OGA: variants seen among roughly 807,000 people sequenced by gnomAD.
OGA encodes protein O-GlcNAcase.
A neutral mutation model predicts 102.0 loss-of-function variants in OGA; 21 were observed. That is an observed-to-expected ratio of 0.21 (90% CI 0.15 to 0.30). The LOEUF (loss-of-function observed/expected upper bound fraction) is 0.30. Among genes scored for constraint, OGA ranks in the 10% least tolerant of loss-of-function variants. OGA has a pLI of 1.00. For synonymous variants in OGA, 408 were observed against 378.2 expected (o/e 1.08, Z -0.91); for missense variants, 765 against 1,107.8 (o/e 0.69, Z 4.39).
Position 101,818,069 on chromosome 10 carries a change from CTG to C in OGA, c.-49_-48del, listed in dbSNP as rs2065666415. ...CACCTCTGCGGGTCCTCCTCGACCT[CTG>C]TCCGTTGGGGCACCGGCCCGGAGCC... On this transcript the variant is annotated 5_prime_UTR_variant, in exon 1 of 16. Transcript: ENST00000361464. 6.7e-7 allele frequency: 1 copy of C among 1,500,154 alleles called. No individual in the cohort carries two copies. Among genetic ancestry groups the C allele is most frequent in the East Asian group, 2.5e-5 (1 of 40,136 alleles). 92.9% of individuals were successfully genotyped at this position (1,500,154 alleles called of 1,614,324 possible).
chr10:101,794,934 T>C (rs1380579644), intron 10 of OGA, among the ~76,000 whole-genome samples: 1 of 152,190 alleles, frequency 6.6e-6, no homozygotes. Flanking sequence ...AAGTTAACAG[T>C]CTCATCAGTA....
At chr10:101,809,160 G>C (rs1025678338) in intron 4 of OGA, among the ~76,000 whole-genome samples, 4 of 152,128 alleles carry the variant, frequency 2.6e-5, no homozygotes, top group Non-Finnish European at 5.9e-5. Flanking sequence ...GTAAAACCCT[G>C]TTTCTGTAAT....
intron 7 of OGA, among the ~76,000 whole-genome samples, chr10:101,801,394 GAAAAA>G (rs769953883): frequency 1.2e-5 from 1 of 81,038 alleles, no homozygotes. Flanking sequence ...CTCCGTCTCA[GAAAAA>G]AAAAAAAAAA....
intron 10 of OGA, among the ~76,000 whole-genome samples, chr10:101,795,157 A>T (rs1201149379): frequency 6.6e-6 from 1 of 152,222 alleles, no homozygotes; most frequent in Non-Finnish European, 1.5e-5. Context: ...AGTGTAATTT[A>T]CACTGCAGGA....
Position 101,792,833 on chromosome 10 carries a change from A to G in OGA, c.2175+6T>C. 6.3e-7 allele frequency: 1 copy of G among 1,575,614 alleles called. No individual in the cohort carries two copies. The highest frequency in any genetic ancestry group is 8.7e-7 in the Non-Finnish European group (1 of 1,145,036). On this transcript the variant is annotated splice_donor_region_variant and intron_variant, in intron 12 of 15. Transcript: ENST00000361464. ...ACACCAAGTTGGTAGGTAGAGAGAC[A>G]ATTACCTCATCCTTAGGAAAATAAG...
chr10:101,802,448 C>T (rs1290228509), intron 7 of OGA, among the ~76,000 whole-genome samples: 2 of 152,108 alleles, frequency 1.3e-5, no homozygotes, highest in East Asian at 3.9e-4. Flanking sequence ...CCCAGGAGGG[C>T]GGATCACCTG....
intron 5 of OGA, among the ~76,000 whole-genome samples, chr10:101,807,272 A>T (rs2065488967): frequency 6.6e-6 from 1 of 152,224 alleles, no homozygotes; most frequent in South Asian, 2.1e-4. Context: ...AGAGGGGCAA[A>T]AAGAAAGGAA....
chr10:101,800,432 T>C (rs753061813), intron 7 of OGA, 32 bp from the exon 8 acceptor site: 8 of 1,559,534 alleles, frequency 5.1e-6, no homozygotes, highest in East Asian at 4.5e-5. Flanking sequence ...AGCACAAAAA[T>C]AGTTTTGATT....
chr10:101,806,268 T>C lies in OGA; in HGVS notation c.653-125A>G, dbSNP rs2065472507. On this transcript the variant is annotated intron_variant, in intron 5 of 15. Coordinates refer to ENST00000361464, the MANE Select transcript of OGA (RefSeq NM_012215.5). The stretch of plus-strand genomic sequence containing the variant: ...CCCAGGCTAGAGTGCAGTGGCACGA[T>C]CTCGGCTCACTGCAACCTCTGCCTC... 3 of 556,172 alleles carry C rather than the reference T, an allele frequency of 5.4e-6. No homozygotes were observed. The East Asian group carries it at 1.0e-4, about 19-fold the overall frequency. 34.5% of individuals were successfully genotyped at this position (556,172 alleles called of 1,614,324 possible). A position where few individuals can be genotyped will look rare whatever the true frequency, so the allele number is the denominator to read the frequency against.
chr10:101,792,637 G>T (rs1455139086), intron 12 of OGA: 2 of 472,118 alleles, frequency 4.2e-6, no homozygotes, highest in African/African-American at 3.9e-5. Flanking sequence ...TCTCAAGGGA[G>T]AAATTAAAGA....
chr10:101,803,293 G>T (rs1158947871), intron 7 of OGA, among the ~76,000 whole-genome samples: 1 of 151,660 alleles, frequency 6.6e-6, no homozygotes, highest in Non-Finnish European at 1.5e-5. Context: ...AGAGATAATG[G>T]AAACACTTAA....
chr10:101,814,521 G>A (rs1589842553), intron 1 of OGA, among the ~76,000 whole-genome samples: 2 of 152,226 alleles, frequency 1.3e-5, no homozygotes, highest in South Asian at 2.1e-4. Context: ...TCCAGGAGGC[G>A]GAGGCTGCGG....
intron 10 of OGA, chr10:101,797,712 C>G: frequency 1.8e-6 from 1 of 570,188 alleles, no homozygotes; most frequent in Non-Finnish European, 3.1e-6. Context: ...AGCATTCAGT[C>G]AGAGCAAGTT....
At position 101,804,081 on chromosome 10, in the gene OGA, A is replaced by C. The variant is rs985729487; in HGVS notation, c.752-62T>G. On this transcript the variant is annotated intron_variant, in intron 6 of 15. Transcript: ENST00000361464. ...GGTTCTTGGCTAGACGCATTGGCTCATAACTGTAATCCCAGCACTCTGGGA... is the reference window on the plus strand; with the variant it reads ...GGTTCTTGGCTAGACGCATTGGCTCCTAACTGTAATCCCAGCACTCTGGGA... 3.4e-5 allele frequency: 50 copies of C among 1,462,528 alleles called. No individual in the cohort carries two copies. In the South Asian group the frequency reaches 6.0e-4, roughly 17 times the overall value. 90.6% of individuals were successfully genotyped at this position (1,462,528 alleles called of 1,614,324 possible).
intron 5 of OGA, among the ~76,000 whole-genome samples, chr10:101,806,770 A>G (rs1249795342): frequency 6.6e-6 from 1 of 152,178 alleles, no homozygotes; most frequent in Admixed American, 6.6e-5. Context: ...TAATAGAACT[A>G]ATACAAGAAT....
intron 10 of OGA, among the ~76,000 whole-genome samples, chr10:101,794,876 C>T (rs1159351138): frequency 5.9e-5 from 9 of 152,130 alleles, no homozygotes; most frequent in Admixed American, 5.2e-4. Context: ...GATAAAGCAG[C>T]GCAATATAGT....
chr10:101,798,784 C>T (rs936421705), intron 9 of OGA, 58 bp downstream of exon 9: 114 of 1,545,066 alleles, frequency 7.4e-5, no homozygotes, highest in Middle Eastern at 1.7e-4. Flanking sequence ...ACCTTTTCCA[C>T]ATTACCAGTA....
intron 14 of OGA, among the ~76,000 whole-genome samples, chr10:101,788,122 CTCTG>C (rs2065213282): frequency 7.3e-6 from 1 of 137,284 alleles, no homozygotes; most frequent in Admixed American, 7.3e-5. Context: ...CAGAGCGAGA[CTCTG>C]TCTTAAAAAA....
Position 101,815,961 on chromosome 10 carries a change from GAGAAAAA to G in OGA, c.199+1856_199+1862del, listed in dbSNP as rs2065617626. ...TGCCAACCAAGAGGTATCAAAAAGA[GAGAAAAA>G]AAAAAAAAAAAAAAAAAAAAAAGCC... On this transcript the variant is annotated intron_variant, in intron 1 of 15. Coordinates refer to ENST00000361464, the MANE Select transcript of OGA (RefSeq NM_012215.5). Among the ~76,000 whole-genome samples, 6 of 23,790 alleles carry G rather than the reference GAGAAAAA, an allele frequency of 2.5e-4. No homozygotes were observed. In the South Asian group the frequency reaches 3.7e-3, roughly 15 times the overall value. 15.6% of individuals were successfully genotyped at this position (23,790 alleles called of 152,430 possible). A position where few individuals can be genotyped will look rare whatever the true frequency, so the allele number is the denominator to read the frequency against.
Sources: allele counts gnomAD v4.1 joint callset (sites outside exome capture counted in the v4.1 genomes callset), GRCh38; gene constraint gnomAD v4.1.1; transcripts MANE v1.5; gene names NCBI Gene and HGNC (gene_info 2026-07-23, HGNC 2026-07-21).